The following NRG1 variants were observed in gnomAD, a reference collection of about 807,000 sequenced individuals.
NRG1 encodes the protein neuregulin 1.
Under a neutral mutation model 63.8 loss-of-function variants are expected in NRG1, and 18 were observed. The observed-to-expected ratio is 0.28, with a 90% CI of 0.19 to 0.42. NRG1 has a LOEUF of 0.42. Among genes scored for constraint, NRG1 ranks in the 10% least tolerant of loss-of-function variants. NRG1 has a pLI of 1.00. For synonymous variants in NRG1, 302 were observed against 301.3 expected, an observed-to-expected ratio of 1.00 and a Z score of -0.02; for missense variants, 762 against 814.7, an observed-to-expected ratio of 0.94 and a Z score of 0.79.
At chr8:32,295,240 T>TA (rs1409338038) in intron 1 of NRG1, among the ~76,000 whole-genome samples, 5 of 152,120 alleles carry the variant, frequency 3.3e-5, no homozygotes, top group Admixed American at 6.5e-5. Flanking sequence ...TTTCTTTTTC[T>TA]AAAAAAATCT....
intron 1 of NRG1, among the ~76,000 whole-genome samples, chr8:32,528,268 T>C (rs977779010): frequency 6.6e-6 from 1 of 152,234 alleles, no homozygotes; most frequent in African/African-American, 2.4e-5. Flanking sequence ...AGTTACTTGT[T>C]ATGTGAGTAT....
chr8:32,096,687 G>A (rs868005228), intron 1 of NRG1, among the ~76,000 whole-genome samples: 1 of 152,126 alleles, frequency 6.6e-6, no homozygotes, highest in Non-Finnish European at 1.5e-5. Context: ...AACAAGAAGG[G>A]AACAGGAGGA....
At chr8:32,093,903 C>T (rs1231168113) in intron 1 of NRG1, among the ~76,000 whole-genome samples, 2 of 152,178 alleles carry the variant, frequency 1.3e-5, no homozygotes, top group African/African-American at 4.8e-5. Flanking sequence ...AATTCTTACT[C>T]ACTGCATCTT....
At chr8:32,217,570 A>G (rs780694523) in intron 1 of NRG1, among the ~76,000 whole-genome samples, 1 of 152,158 alleles carries the variant, frequency 6.6e-6, no homozygotes, top group South Asian at 2.1e-4. Context: ...GAGTTAAAAT[A>G]CTCTACATTT....
chr8:32,494,875 ATGCG>A (rs1827011039), intron 1 of NRG1, among the ~76,000 whole-genome samples: 2 of 152,174 alleles, frequency 1.3e-5, no homozygotes, highest in Admixed American at 1.3e-4. Flanking sequence ...CAAATACGGT[ATGCG>A]TCATAAAGTC....
chr8:31,739,244 T>A (rs1192755617), intron 1 of NRG1, among the ~76,000 whole-genome samples: 3 of 152,056 alleles, frequency 2.0e-5, no homozygotes, highest in African/African-American at 2.4e-5. Context: ...GGCAAACCAA[T>A]TATGTGACCA....
intron 1 of NRG1, among the ~76,000 whole-genome samples, chr8:31,879,996 T>C (rs1450158803): frequency 6.6e-6 from 1 of 152,184 alleles, no homozygotes; most frequent in South Asian, 2.1e-4. Flanking sequence ...TCTTTGCTAT[T>C]GTGAACAATG....
At chr8:31,933,669 G>T (rs1835048947) in intron 1 of NRG1, among the ~76,000 whole-genome samples, 1 of 152,172 alleles carries the variant, frequency 6.6e-6, no homozygotes. Flanking sequence ...TAGGAACTAA[G>T]ATTCAGAACA....
intron 1 of NRG1, among the ~76,000 whole-genome samples, chr8:31,995,591 G>T (rs1314936136): frequency 4.6e-5 from 7 of 151,926 alleles, no homozygotes; most frequent in Non-Finnish European, 4.4e-5. Flanking sequence ...GTCTCTGAAA[G>T]TGAGGACCCT....
At chr8:31,989,056 C>A (rs1810574715) in intron 1 of NRG1, among the ~76,000 whole-genome samples, 1 of 151,620 alleles carries the variant, frequency 6.6e-6, no homozygotes, top group Non-Finnish European at 1.5e-5. Flanking sequence ...TCAGACCAGC[C>A]TATCCAACAT....
At chr8:31,775,882 CAAAAAAAAAA>C (rs71208140) in intron 1 of NRG1, among the ~76,000 whole-genome samples, 16,215 of 72,144 alleles carry the variant, frequency 0.22, 1,267 homozygotes, top group South Asian at 0.33. Context: ...GACTCCGTCT[CAAAAAAAAAA>C]AAAAAAAAAA....
intron 1 of NRG1, among the ~76,000 whole-genome samples, chr8:32,166,099 A>G (rs73576611): frequency 0.013 from 2,010 of 152,258 alleles, 54 homozygotes; most frequent in African/African-American, 0.045. Context: ...GCCATTATAG[A>G]CAAATATTGT....
chr8:31,981,501 C>T (rs1017402291), intron 1 of NRG1, among the ~76,000 whole-genome samples: 3 of 151,916 alleles, frequency 2.0e-5, no homozygotes, highest in African/African-American at 7.2e-5. Flanking sequence ...CTATATTTTT[C>T]CACCTTGCAA....
intron 1 of NRG1, among the ~76,000 whole-genome samples, chr8:32,212,141 A>G (rs1463823428): frequency 6.6e-6 from 1 of 152,158 alleles, no homozygotes; most frequent in Non-Finnish European, 1.5e-5. Context: ...ACCACTTAAA[A>G]ATTATGTAAG....
chr8:32,445,059 C>T (rs951584628), intron 1 of NRG1, among the ~76,000 whole-genome samples: 1 of 152,138 alleles, frequency 6.6e-6, no homozygotes, highest in Non-Finnish European at 1.5e-5. Flanking sequence ...TGATCATCAC[C>T]TGAGGGCGAT....
chr8:32,644,493 C>G (rs1233474228), intron 5 of NRG1, among the ~76,000 whole-genome samples: 2 of 152,154 alleles, frequency 1.3e-5, no homozygotes, highest in Non-Finnish European at 2.9e-5. Flanking sequence ...ATGGAGAATT[C>G]TTTTATTCTT....
chr8:32,414,747 G>A (rs943758017), intron 1 of NRG1, among the ~76,000 whole-genome samples: 4 of 152,048 alleles, frequency 2.6e-5, no homozygotes, highest in African/African-American at 9.7e-5. Context: ...AGAATCTTAG[G>A]GTCAATTAAT....
intron 1 of NRG1, among the ~76,000 whole-genome samples, chr8:31,957,190 GTT>G (rs5890609): frequency 2.0e-5 from 3 of 147,936 alleles, no homozygotes; most frequent in African/African-American, 7.5e-5. Context: ...AAATCAAAGA[GTT>G]TTTTTTTTTT....
chr8:32,520,378 C>T (rs1049682360), intron 1 of NRG1, among the ~76,000 whole-genome samples: 4 of 150,826 alleles, frequency 2.7e-5, no homozygotes, highest in South Asian at 2.1e-4. Flanking sequence ...AGGCTGGTCT[C>T]GAACTCCTGG....
Sources: gnomAD v4.1 joint callset for allele counts (sites outside exome capture counted in the v4.1 genomes callset) on GRCh38, gnomAD v4.1.1 for gene constraint, MANE v1.5 for transcripts, NCBI Gene and HGNC (gene_info 2026-07-23, HGNC 2026-07-21) for gene names.